The following FKBP5 variants were observed in gnomAD, a reference collection of about 807,000 sequenced individuals.
FKBP5 encodes FKBP prolyl isomerase 5.
FKBP5 carries 23 observed loss-of-function variants against 50.5 expected under a neutral mutation model. The observed-to-expected ratio is 0.46, with a 90% CI of 0.33 to 0.65. FKBP5 has a LOEUF of 0.65. Ranked by LOEUF, FKBP5 falls within the 30% of genes least tolerant of loss-of-function variation. The pLI, the probability that FKBP5 is intolerant of heterozygous loss-of-function variation, is 0.02. For synonymous variants in FKBP5, 176 were observed against 190.6 expected (o/e 0.92, Z 0.63); for missense variants, 411 against 553.1 (o/e 0.74, Z 2.58).
chr6:35,619,136 T>A lies in FKBP5; in HGVS notation c.468A>T (p.Gly156=). The A allele has an allele frequency of 6.2e-7, 1 of 1,613,958 alleles. No individual in the cohort carries two copies. The highest frequency in any genetic ancestry group is 8.5e-7 in the Non-Finnish European group (1 of 1,179,820). Residue 156 remains glycine, a synonymous_variant, in exon 5 of 11, where the codon GGA becomes GGT. Transcript: ENST00000357266. The part of the protein sequence containing the change: ...GGIIRRTKRK[G]EGYSNPNEGA... ...CTTCGTTTGGATTTGAATATCCCTCTCCTTTCCGTTTGGTTCTCCGGATAA... is the reference window on the plus strand; with the variant it reads ...CTTCGTTTGGATTTGAATATCCCTCACCTTTCCGTTTGGTTCTCCGGATAA...
intron 1 of FKBP5, among the ~76,000 whole-genome samples, chr6:35,645,502 C>T (rs1165809651): frequency 6.6e-6 from 1 of 152,094 alleles, no homozygotes; most frequent in Non-Finnish European, 1.5e-5. Flanking sequence ...TTAAAGGAGA[C>T]TATAGAGATA....
intron 3 of FKBP5, among the ~76,000 whole-genome samples, chr6:35,624,643 C>T (rs746985574): frequency 7.9e-5 from 12 of 152,076 alleles, no homozygotes; most frequent in Non-Finnish European, 1.6e-4. Flanking sequence ...TCTAGTTGGC[C>T]CACGTCCTAA....
At chr6:35,598,705 C>T (rs1763057050) in intron 5 of FKBP5, among the ~76,000 whole-genome samples, 1 of 152,130 alleles carries the variant, frequency 6.6e-6, no homozygotes, top group Non-Finnish European at 1.5e-5. Context: ...GGGCGCGGTG[C>T]TCACGCCTGT....
chr6:35,656,361 G>T (rs572213894), intron 1 of FKBP5, among the ~76,000 whole-genome samples: 1 of 152,132 alleles, frequency 6.6e-6, no homozygotes, highest in East Asian at 1.9e-4. Context: ...CATATCTAAG[G>T]TTTATTCCAA....
At chr6:35,602,769 C>G (rs953255589) in intron 5 of FKBP5, among the ~76,000 whole-genome samples, 1 of 152,144 alleles carries the variant, frequency 6.6e-6, no homozygotes, top group Non-Finnish European at 1.5e-5. Context: ...AGATTGCTTA[C>G]AGAACTGACG....
In FKBP5 at chr6:35,697,979, A is replaced by G. The variant is rs551678569; in HGVS notation, c.-20+22349T>C. Among the ~76,000 whole-genome samples, 5 of 152,362 alleles carry G rather than the reference A, an allele frequency of 3.3e-5. No individual in the cohort carries two copies. The East Asian group carries it at 5.8e-4, about 18-fold the overall frequency. ...TTACTCCTGGCTTTAAGCAACAACT[A>G]TCATATTTACTCACTGTTATTTGTC... On this transcript the variant is annotated intron_variant, in intron 2 of 11. Transcript: ENST00000536438.
intron 2 of FKBP5, among the ~76,000 whole-genome samples, chr6:35,701,546 T>C (rs1311034755): frequency 1.3e-5 from 2 of 151,240 alleles, no homozygotes; most frequent in Admixed American, 6.6e-5. Context: ...CCCGGCCTGT[T>C]TGTTTGTTTT....
At chr6:35,666,761 C>T (rs962833071) in intron 1 of FKBP5, among the ~76,000 whole-genome samples, 4 of 151,842 alleles carry the variant, frequency 2.6e-5, no homozygotes, top group Admixed American at 6.6e-5. Flanking sequence ...TGGTGGCAGG[C>T]GCCTATAATC....
chr6:35,606,080 A>G (rs1763304635), intron 5 of FKBP5, among the ~76,000 whole-genome samples: 1 of 152,248 alleles, frequency 6.6e-6, no homozygotes, highest in South Asian at 2.1e-4. Flanking sequence ...ACCTAATTAA[A>G]GAGCTTCAGC....
chr6:35,646,024 AAGAATC>A (rs1403736034), intron 1 of FKBP5, among the ~76,000 whole-genome samples: 3 of 152,118 alleles, frequency 2.0e-5, no homozygotes, highest in Non-Finnish European at 4.4e-5. Context: ...GCTGAGGCAC[AAGAATC>A]ACTTGAACCT....
intron 2 of FKBP5, among the ~76,000 whole-genome samples, chr6:35,694,264 G>GC: frequency 6.6e-6 from 1 of 152,106 alleles, no homozygotes; most frequent in Non-Finnish European, 1.5e-5. Flanking sequence ...TCCCACTTCA[G>GC]CCCCCCAAGT....
Position 35,575,840 on chromosome 6 carries a change from C to A in FKBP5, c.1369G>T (p.Val457Leu), listed in dbSNP as rs767540520. Residue 457 changes from valine to leucine, a missense_variant, in exon 11 of 11, where the codon GTA (valine) becomes TTA (leucine). By Grantham distance (32) the Val-to-Leu change is conservative. Transcript: ENST00000357266. ...AMEEEKPEGH[V>L] ...CTTCCCTCCTTGGCGTGGCGTCATA[C>A]GTGGCCCTCAGGTTTCTCTTCTTCC... is the stretch of plus-strand genomic sequence containing the variant. 1 of 1,610,106 alleles carries A rather than the reference C, an allele frequency of 6.2e-7. No homozygotes were observed. Among genetic ancestry groups the A allele is most frequent in the East Asian group, 2.2e-5 (1 of 44,864 alleles).
intron 2 of FKBP5, among the ~76,000 whole-genome samples, chr6:35,718,698 C>T (rs1038509480): frequency 6.6e-6 from 1 of 152,160 alleles, no homozygotes; most frequent in African/African-American, 2.4e-5. Context: ...CAGCACAACA[C>T]AGGTGCTCAA....
At chr6:35,588,157 C>T (rs970911086) in intron 7 of FKBP5, among the ~76,000 whole-genome samples, 6 of 151,460 alleles carry the variant, frequency 4.0e-5, no homozygotes, top group African/African-American at 1.5e-4. Flanking sequence ...TCCGGAGTAG[C>T]TGGGATTACA....
intron 8 of FKBP5, chr6:35,581,901 T>C (rs1480486413): frequency 1.0e-6 from 1 of 985,410 alleles, no homozygotes; most frequent in East Asian, 1.1e-4. Context: ...TGCCGAGTTG[T>C]CTCTCCCCAC....
At chr6:35,677,732 C>T (rs948712401) in intron 1 of FKBP5, among the ~76,000 whole-genome samples, 1 of 152,044 alleles carries the variant, frequency 6.6e-6, no homozygotes, top group African/African-American at 2.4e-5. Flanking sequence ...TAATTATTAC[C>T]TAGGTCTTAA....
At chr6:35,677,488 C>T (rs1488382921) in intron 1 of FKBP5, among the ~76,000 whole-genome samples, 2 of 152,210 alleles carry the variant, frequency 1.3e-5, no homozygotes, top group Non-Finnish European at 2.9e-5. Flanking sequence ...CCCATGAAAA[C>T]ACTAGAAAGT....
intron 2 of FKBP5, among the ~76,000 whole-genome samples, chr6:35,713,668 T>A (rs1460580934): frequency 6.6e-6 from 1 of 152,208 alleles, no homozygotes; most frequent in African/African-American, 2.4e-5. Context: ...GATTCTCCTG[T>A]GAGCTTTTTC....
intron 2 of FKBP5, among the ~76,000 whole-genome samples, chr6:35,718,437 G>A (rs567378759): frequency 1.8e-4 from 27 of 152,182 alleles, no homozygotes; most frequent in African/African-American, 5.5e-4. Flanking sequence ...CCGGGGAATC[G>A]GCTGTTGGTT....
Sources: gnomAD v4.1 joint callset for allele counts (sites outside exome capture counted in the v4.1 genomes callset) on GRCh38, gnomAD v4.1.1 for gene constraint, MANE v1.5 for transcripts, NCBI Gene and HGNC (gene_info 2026-07-23, HGNC 2026-07-21) for gene names.